Variants in HAPSTR1 observed in about 807,000 individuals in gnomAD.
HAPSTR1 encodes HUWE1 associated protein modifying stress responses.
At chr16:9,112,535 G>A in the HAPSTR1 span, 1 of 152,272 alleles carries the variant, frequency 6.6e-6, no homozygotes, top group Admixed American at 6.5e-5. Context: ...GAAGTCCTGG[G>A]CCACTGGCTG....
At chr16:9,113,009 TTTTTTTTTG>T in the HAPSTR1 span, 16 of 151,284 alleles carry the variant, frequency 1.1e-4, no homozygotes, top group African/African-American at 2.4e-4. Context: ...AACTTGGTTT[TTTTTTTTTG>T]TTTTTTTTGT....
chr16:9,117,088 T>C, the HAPSTR1 span: 2 of 844,554 alleles, frequency 2.4e-6, no homozygotes, highest in Non-Finnish European at 3.6e-6. Context: ...ATGCCTCTTG[T>C]AATTATGGCT....
the HAPSTR1 span, among the ~76,000 whole-genome samples, chr16:9,095,447 G>C: frequency 8.6e-4 from 131 of 152,142 alleles, no homozygotes; most frequent in African/African-American, 2.9e-3. Context: ...ATAATTTAAG[G>C]GGGGAAAAAT....
At chr16:9,111,456 A>G in the HAPSTR1 span, 3 of 152,242 alleles carry the variant, frequency 2.0e-5, no homozygotes, top group Admixed American at 6.5e-5. Context: ...GAAAAGAACA[A>G]TTAAGGCAAT....
the HAPSTR1 span, among the ~76,000 whole-genome samples, chr16:9,114,341 C>T: frequency 1.3e-5 from 2 of 151,808 alleles, no homozygotes; most frequent in African/African-American, 2.4e-5. Context: ...CCCACCAAGG[C>T]GACTGAGGAG....
At chr16:9,111,877 T>C in the HAPSTR1 span, 5 of 150,440 alleles carry the variant, frequency 3.3e-5, no homozygotes, top group African/African-American at 7.4e-5. Flanking sequence ...ATTAAAGTTA[T>C]TTCATAGTTG....
At chr16:9,094,454 C>G in the HAPSTR1 span, among the ~76,000 whole-genome samples, 5 of 151,724 alleles carry the variant, frequency 3.3e-5, no homozygotes, top group East Asian at 7.7e-4. Context: ...AATTTACATA[C>G]AGTAAAATCA....
chr16:9,110,333 G>A, the HAPSTR1 span: 1 of 152,140 alleles, frequency 6.6e-6, no homozygotes, highest in African/African-American at 2.4e-5. Context: ...GGATAGGAAT[G>A]TTTTAGAAAG....
chr16:9,103,826 CTA>C, the HAPSTR1 span: 7 of 153,366 alleles, frequency 4.6e-5, no homozygotes, highest in African/African-American at 1.7e-4. Flanking sequence ...AGGTGGATCT[CTA>C]TCTCCCCAGG....
the HAPSTR1 span, chr16:9,108,080 A>G: frequency 6.6e-6 from 1 of 152,154 alleles, no homozygotes; most frequent in Non-Finnish European, 1.5e-5. Context: ...GTAATCTTGA[A>G]TTAGAACAAC....
the HAPSTR1 span, chr16:9,118,842 A>T: frequency 2.0e-5 from 3 of 152,662 alleles, no homozygotes; most frequent in Non-Finnish European, 4.4e-5. Flanking sequence ...GGAGGAACAC[A>T]TATTTAATTC....
chr16:9,095,933 A>G, the HAPSTR1 span, among the ~76,000 whole-genome samples: 1 of 152,110 alleles, frequency 6.6e-6, no homozygotes, highest in Admixed American at 6.5e-5. Context: ...TTTCTTCAAT[A>G]TTCAGTAGTA....
At chr16:9,116,542 T>G in the HAPSTR1 span, 1 of 1,239,066 alleles carries the variant, frequency 8.1e-7, no homozygotes, top group Non-Finnish European at 1.1e-6. Context: ...AATTGCTTAC[T>G]AGTAATCCCT....
chr16:9,094,030 T>G, the HAPSTR1 span, among the ~76,000 whole-genome samples: 2 of 152,282 alleles, frequency 1.3e-5, no homozygotes, highest in South Asian at 4.1e-4. Context: ...TGAAACGGGC[T>G]ATGAAGGTGC....
the HAPSTR1 span, chr16:9,116,601 G>C: frequency 2.6e-6 from 4 of 1,563,142 alleles, no homozygotes; most frequent in Non-Finnish European, 3.5e-6. Flanking sequence ...AACATGGAAA[G>C]TAAGTGGGTT....
the HAPSTR1 span, among the ~76,000 whole-genome samples, chr16:9,099,065 C>A: frequency 2.0e-5 from 3 of 151,898 alleles, no homozygotes; most frequent in Non-Finnish European, 4.4e-5. Flanking sequence ...CCCACCCCAG[C>A]CCGTTGTGGT....
chr16:9,109,953 T>C, the HAPSTR1 span: 1 of 152,088 alleles, frequency 6.6e-6, no homozygotes, highest in Non-Finnish European at 1.5e-5. Context: ...CTTTATTTAC[T>C]GAACACAGTG....
chr16:9,118,425 A>G, the HAPSTR1 span: 1 of 152,670 alleles, frequency 6.6e-6, no homozygotes, highest in East Asian at 1.9e-4. Context: ...TTGCTGAGTT[A>G]ACCATAAATG....
At chr16:9,098,046 C>G in the HAPSTR1 span, among the ~76,000 whole-genome samples, 1 of 152,152 alleles carries the variant, frequency 6.6e-6, no homozygotes, top group Non-Finnish European at 1.5e-5. Flanking sequence ...AGATGCTCCC[C>G]CAGGGCTGGG....
Sources: gnomAD v4.1 joint callset for allele counts (sites outside exome capture counted in the v4.1 genomes callset) on GRCh38, gnomAD v4.1.1 for gene constraint, MANE v1.5 for transcripts, NCBI Gene and HGNC (gene_info 2026-07-23, HGNC 2026-07-21) for gene names.